Variants in PCDH15 observed in about 807,000 individuals in gnomAD.
PCDH15 encodes the protein protocadherin-15.
PCDH15 carries 129 observed loss-of-function variants against 178.5 expected under a neutral mutation model. The observed-to-expected ratio is 0.72, with a 90% CI of 0.63 to 0.84. The LOEUF is 0.84. Among genes scored for constraint, PCDH15 ranks in the 40% least tolerant of loss-of-function variants. The pLI is 0.00. For synonymous variants in PCDH15, 800 were observed against 732.0 expected, an observed-to-expected ratio of 1.09 and a Z score of -1.50; for missense variants, 2,230 against 2,099.9, an observed-to-expected ratio of 1.06 and a Z score of -1.21.
At chr10:54,519,975 T>C (rs2082671795) in intron 3 of PCDH15, among the ~76,000 whole-genome samples, 1 of 152,216 alleles carries the variant, frequency 6.6e-6, no homozygotes, top group Non-Finnish European at 1.5e-5. Context: ...GGATTCCCTA[T>C]TTAATAAATG....
intron 3 of PCDH15, among the ~76,000 whole-genome samples, chr10:54,417,128 G>T (rs1017745640): frequency 6.6e-6 from 1 of 152,074 alleles, no homozygotes; most frequent in Non-Finnish European, 1.5e-5. Flanking sequence ...GGGCTCAAGT[G>T]ATCCACGCAC....
intron 2 of PCDH15, among the ~76,000 whole-genome samples, chr10:54,597,947 C>T (rs1198449817): frequency 6.6e-6 from 1 of 152,044 alleles, no homozygotes; most frequent in Non-Finnish European, 1.5e-5. Context: ...GAAATTAAAT[C>T]CCTGAAGATA....
At chr10:54,144,977 A>G (rs1329310996) in intron 14 of PCDH15, among the ~76,000 whole-genome samples, 1 of 152,100 alleles carries the variant, frequency 6.6e-6, no homozygotes, top group Non-Finnish European at 1.5e-5. Flanking sequence ...TGAATATAAA[A>G]CATTTTTGGT....
At chr10:54,321,891 G>A (rs7916884) in intron 7 of PCDH15, among the ~76,000 whole-genome samples, 68,764 of 151,712 alleles carry the variant, frequency 0.45, 16,279 homozygotes, top group Middle Eastern at 0.6. Flanking sequence ...GTTTCCACAC[G>A]TGGGAATTCT....
At chr10:54,307,102 GTGTATATATATATATATA>G (rs1449785225) in intron 8 of PCDH15, among the ~76,000 whole-genome samples, 8 of 11,726 alleles carry the variant, frequency 6.8e-4, no homozygotes, top group South Asian at 3.9e-3. Flanking sequence ...ATGTGTGTGT[GTGTATATATATATATATA>G]TATATATATA....
At chr10:55,238,430 G>A (rs1410482673) in intron 1 of PCDH15, among the ~76,000 whole-genome samples, 2 of 151,988 alleles carry the variant, frequency 1.3e-5, no homozygotes, top group South Asian at 2.1e-4. Flanking sequence ...GATTAAAGGC[G>A]TGAGCCACCG....
intron 4 of PCDH15, among the ~76,000 whole-genome samples, chr10:54,371,804 C>A (rs959349271): frequency 6.6e-6 from 1 of 151,808 alleles, no homozygotes; most frequent in Non-Finnish European, 1.5e-5. Flanking sequence ...TTTTCCTCTG[C>A]CATTATGAGC....
rs2088611815 is a variant in PCDH15, at chr10:54,563,967, A to G, written c.92-36090T>C. Among the ~76,000 whole-genome samples, 4 of 152,320 alleles carry G rather than the reference A, an allele frequency of 2.6e-5. No homozygotes were observed. The South Asian group carries it at 8.3e-4, about 32-fold the overall frequency. On this transcript the variant is annotated intron_variant, in intron 2 of 37. Transcript: ENST00000644397. ...ATAGTGCATAAAAGCAAAGCAAAAC[A>G]AACAAAAAACCTTAGTGAGCCTAGC...
At chr10:55,408,801 T>C (rs905534955) in intron 2 of PCDH15, among the ~76,000 whole-genome samples, 3 of 152,096 alleles carry the variant, frequency 2.0e-5, no homozygotes, top group African/African-American at 7.2e-5. Flanking sequence ...TCAGACTTCC[T>C]TGCTATCACT....
chr10:54,217,096 T>G (rs1374744900), intron 9 of PCDH15, among the ~76,000 whole-genome samples: 1 of 152,130 alleles, frequency 6.6e-6, no homozygotes, highest in Non-Finnish European at 1.5e-5. Flanking sequence ...AATTGTTACT[T>G]ATGAGAAAGA....
At chr10:54,155,059 T>G (rs1446060059) in intron 13 of PCDH15, among the ~76,000 whole-genome samples, 1 of 152,202 alleles carries the variant, frequency 6.6e-6, no homozygotes, top group East Asian at 1.9e-4. Context: ...CAGGAAATCT[T>G]AATTAAAATT....
intron 2 of PCDH15, among the ~76,000 whole-genome samples, chr10:54,587,467 T>G (rs879377940): frequency 6.6e-6 from 1 of 151,018 alleles, no homozygotes; most frequent in Non-Finnish European, 1.5e-5. Flanking sequence ...ATGAAGAAAG[T>G]GGATGTGATG....
intron 2 of PCDH15, among the ~76,000 whole-genome samples, chr10:55,580,325 T>C (rs942609441): frequency 1.2e-4 from 18 of 152,074 alleles, no homozygotes; most frequent in African/African-American, 4.3e-4. Context: ...TCTAAATATA[T>C]GGCTATATGG....
intron 3 of PCDH15, among the ~76,000 whole-genome samples, chr10:54,436,144 A>AG (rs1491487778): frequency 0.014 from 2,026 of 148,770 alleles, 44 homozygotes; most frequent in African/African-American, 0.048. Flanking sequence ...AAAGAAAGAA[A>AG]GAAAGGAAGG....
At position 53,806,427 on chromosome 10, in the gene PCDH15, ATCTG is replaced by A; in HGVS notation, c.*148_*151del. 1.5e-6 allele frequency: 1 copy of A among 671,158 alleles called. No homozygotes were observed. The highest frequency in any genetic ancestry group is 2.4e-6 in the Non-Finnish European group (1 of 412,528). 41.6% of individuals were successfully genotyped at this position (671,158 alleles called of 1,614,324 possible). A position where few individuals can be genotyped will look rare whatever the true frequency, so the allele number is the denominator to read the frequency against. On this transcript the variant is annotated 3_prime_UTR_variant, in exon 38 of 38. Transcript: ENST00000644397. ...TTAATTGATAACAATGTGAGTGCAA[ATCTG>A]TCTCTTAAAATTTTAAAGCATATTG...
At chr10:54,176,090 C>T (rs4935501) in intron 13 of PCDH15, among the ~76,000 whole-genome samples, 21,971 of 152,024 alleles carry the variant, frequency 0.14, 3,376 homozygotes, top group East Asian at 0.85. Flanking sequence ...AGAATTCTTA[C>T]GCCAAATAGA....
At chr10:54,507,666 T>C (rs924023386) in intron 3 of PCDH15, among the ~76,000 whole-genome samples, 6 of 151,942 alleles carry the variant, frequency 3.9e-5, no homozygotes, top group African/African-American at 7.2e-5. Context: ...ATTTAACAGA[T>C]GAGAGTACTG....
rs1393478486 is a variant in PCDH15 at position 54,023,145 on chromosome 10, T to A, written c.2273A>T (p.Asn758Ile). The change falls in exon 19 of 38, where the codon AAC (asparagine) becomes ATC (isoleucine). Residue 758 changes from asparagine to isoleucine, a missense_variant. Asn to Ile is a moderately radical substitution (Grantham distance 149). Coordinates refer to ENST00000644397, the MANE Select transcript of PCDH15 (RefSeq NM_001384140.1). ...INGQVHYSLG[N>I]FNNLFRITSN... is the part of the protein sequence containing the mutation. ...TGTGATACGAAAAAGATTATTAAAG[T>A]TACCCAAACTGTAGTGCACTTGACC... 3.1e-6 allele frequency: 5 copies of A among 1,613,852 alleles called. No homozygotes were observed. In the South Asian group the frequency reaches 4.4e-5, roughly 14 times the overall value.
At chr10:55,272,474 G>A (rs966805687) in intron 1 of PCDH15, among the ~76,000 whole-genome samples, 5 of 150,952 alleles carry the variant, frequency 3.3e-5, no homozygotes, top group African/African-American at 7.3e-5. Flanking sequence ...ACGCGATCTC[G>A]GCTCACTGCA....
Sources: gnomAD v4.1 joint callset for allele counts (sites outside exome capture counted in the v4.1 genomes callset) on GRCh38, gnomAD v4.1.1 for gene constraint, MANE v1.5 for transcripts, NCBI Gene and HGNC (gene_info 2026-07-23, HGNC 2026-07-21) for gene names.